The following TENM4 variants were observed in gnomAD, a reference collection of about 807,000 sequenced individuals.
TENM4 encodes teneurin transmembrane protein 4, also known as teneurin-4.
Under a neutral mutation model 243.3 loss-of-function variants are expected in TENM4, and 82 were observed. That is an observed-to-expected ratio of 0.34 (90% CI 0.28 to 0.40). TENM4 has a LOEUF of 0.40. TENM4 is among the 10% of genes least tolerant of loss of function. The pLI, the probability that TENM4 is intolerant of heterozygous loss-of-function variation, is 1.00. For synonymous variants in TENM4, 1,412 were observed against 1,456.3 expected (o/e 0.97, Z 0.69); for missense variants, 3,138 against 3,673.3 (o/e 0.85, Z 3.77).
At chr11:79,224,088 C>T (rs1864213528) in intron 2 of TENM4, among the ~76,000 whole-genome samples, 1 of 152,272 alleles carries the variant, frequency 6.6e-6, no homozygotes, top group Admixed American at 6.5e-5. Flanking sequence ...AGCAGAAACC[C>T]CTCTCCTCTC....
chr11:79,439,965 C>T (rs907015377), intron 1 of TENM4, among the ~76,000 whole-genome samples: 1 of 151,970 alleles, frequency 6.6e-6, no homozygotes, highest in African/African-American at 2.4e-5. Context: ...TTGCAGAGGG[C>T]GAGGAGCTGG....
At chr11:78,949,568 A>T (rs1320869492) in intron 6 of TENM4, among the ~76,000 whole-genome samples, 1 of 152,254 alleles carries the variant, frequency 6.6e-6, no homozygotes, top group East Asian at 1.9e-4. Context: ...CAAATGTAGG[A>T]AACTGATCAA....
chr11:79,111,371 G>A (rs890477644), intron 4 of TENM4, among the ~76,000 whole-genome samples: 9 of 152,018 alleles, frequency 5.9e-5, no homozygotes, highest in Non-Finnish European at 1.2e-4. Context: ...CGGTGAAACC[G>A]CATCTCTACT....
In TENM4 at chr11:78,656,329, A is replaced by G. The variant is rs889738995; in HGVS notation, c.*1729T>C. ...ACACTTAATGTAAATGTAACCCATA[A>G]AAGTTCCATTTTCTAAGAAGCCCAG... On this transcript the variant is annotated 3_prime_UTR_variant, in exon 34 of 34. Coordinates refer to ENST00000278550, the MANE Select transcript of TENM4 (RefSeq NM_001098816.3). The G allele has an allele frequency of 6.6e-6, 1 of 152,198 alleles. No individual in the cohort carries two copies. The highest frequency in any genetic ancestry group is 2.4e-5 in the African/African-American group (1 of 41,426). The allele number at this position is 152,198 out of a possible 1,614,324, so 9.4% of individuals were successfully genotyped here.
At chr11:79,153,316 A>T (rs1217638643) in intron 3 of TENM4, among the ~76,000 whole-genome samples, 1 of 152,210 alleles carries the variant, frequency 6.6e-6, no homozygotes, top group Non-Finnish European at 1.5e-5. Context: ...TTGTGTGAAT[A>T]CATGTCCAAA....
intron 1 of TENM4, among the ~76,000 whole-genome samples, chr11:79,332,707 A>G (rs1398103765): frequency 6.6e-6 from 1 of 152,192 alleles, no homozygotes; most frequent in Non-Finnish European, 1.5e-5. Context: ...TAAGTAGACT[A>G]TATATCTTTC....
Position 79,250,775 on chromosome 11 carries a change from GACA to G in TENM4, c.-264-34869_-264-34867del, listed in dbSNP as rs1323928231. On this transcript the variant is annotated intron_variant, in intron 2 of 33. Transcript: ENST00000278550. ...CAGATGTCCACGGAAGGCAAATTTA[GACA>G]ACAACTTGCTAGGCGAAGCTTAAAC... Among the ~76,000 whole-genome samples the G allele has an allele frequency of 2.6e-5, 4 of 152,354 alleles. No homozygotes were observed. In the East Asian group the frequency reaches 5.8e-4, roughly 22 times the overall value.
chr11:78,791,091 AACTGAAG>A (rs1212692022), intron 15 of TENM4, among the ~76,000 whole-genome samples: 1 of 152,136 alleles, frequency 6.6e-6, no homozygotes, highest in Non-Finnish European at 1.5e-5. Flanking sequence ...ATGGGGTGCT[AACTGAAG>A]GTAATACAGC....
At chr11:79,287,670 A>G (rs1051407578) in intron 2 of TENM4, among the ~76,000 whole-genome samples, 4 of 152,186 alleles carry the variant, frequency 2.6e-5, no homozygotes, top group Non-Finnish European at 5.9e-5. Context: ...AACACTGAGG[A>G]CCAGAAAGGT....
chr11:78,919,887 C>G (rs1215580018), intron 6 of TENM4, among the ~76,000 whole-genome samples: 1 of 152,150 alleles, frequency 6.6e-6, no homozygotes. Context: ...AACTCAGAGG[C>G]TGAAACACCG....
intron 3 of TENM4, among the ~76,000 whole-genome samples, chr11:79,202,551 G>A (rs1199916564): frequency 6.6e-6 from 1 of 152,234 alleles, no homozygotes. Context: ...AGCCTGCAAA[G>A]GTTCTCTGTC....
chr11:78,726,481 T>G (rs878990198), intron 22 of TENM4, among the ~76,000 whole-genome samples: 1 of 152,216 alleles, frequency 6.6e-6, no homozygotes, highest in Admixed American at 6.5e-5. Context: ...AGGATCTAAG[T>G]GAATCCCTTC....
At chr11:79,001,395 C>A (rs1048356158) in intron 6 of TENM4, among the ~76,000 whole-genome samples, 1 of 152,120 alleles carries the variant, frequency 6.6e-6, no homozygotes, top group Non-Finnish European at 1.5e-5. Context: ...TGGCCCTCAG[C>A]AACTCCTGGG....
rs375391358 is a variant in TENM4 at position 78,714,172 on chromosome 11, C to G, written c.3822-1458G>C. ...AGAATTTGAAAAGTCTAGAAAGAAGCTATTTTGCATTTATCAGGTATGTAA... is the reference window on the plus strand; with the variant it reads ...AGAATTTGAAAAGTCTAGAAAGAAGGTATTTTGCATTTATCAGGTATGTAA... On this transcript the variant is annotated intron_variant, in intron 25 of 33. Transcript: ENST00000278550. Among the ~76,000 whole-genome samples the G allele has an allele frequency of 1.2e-4, 18 of 152,296 alleles. No homozygotes were observed. The South Asian group carries it at 3.3e-3, about 28-fold the overall frequency.
intron 2 of TENM4, among the ~76,000 whole-genome samples, chr11:79,275,936 T>G (rs11820600): frequency 0.051 from 7,728 of 152,302 alleles, 292 homozygotes; most frequent in Middle Eastern, 0.12. Context: ...TAATTTCCAT[T>G]TCTCTTTGGA....
chr11:78,808,724 G>A (rs1857438698), intron 14 of TENM4, among the ~76,000 whole-genome samples: 2 of 152,162 alleles, frequency 1.3e-5, no homozygotes, highest in Admixed American at 1.3e-4. Flanking sequence ...GAGGATTAAT[G>A]AAGTCAAATG....
chr11:79,062,890 G>A (rs1227724025), intron 6 of TENM4, among the ~76,000 whole-genome samples: 1 of 152,094 alleles, frequency 6.6e-6, no homozygotes, highest in Admixed American at 6.5e-5. Context: ...GTTGCTGGCT[G>A]GGTATGGCCT....
At chr11:79,408,142 G>T (rs1182815355) in intron 1 of TENM4, among the ~76,000 whole-genome samples, 1 of 152,172 alleles carries the variant, frequency 6.6e-6, no homozygotes, top group Non-Finnish European at 1.5e-5. Flanking sequence ...GACCTCAAGT[G>T]ATCTGCCCAC....
intron 28 of TENM4, among the ~76,000 whole-genome samples, chr11:78,691,056 T>C (rs481392): frequency 0.43 from 64,827 of 152,150 alleles, 16,856 homozygotes; most frequent in African/African-American, 0.74. Context: ...ACCATGGCCT[T>C]GCTCAAATGC....
Sources: gnomAD v4.1 joint callset for allele counts (sites outside exome capture counted in the v4.1 genomes callset) on GRCh38, gnomAD v4.1.1 for gene constraint, MANE v1.5 for transcripts, NCBI Gene and HGNC (gene_info 2026-07-23, HGNC 2026-07-21) for gene names.